Variants in CEP120 observed in about 807,000 individuals in gnomAD.
CEP120 encodes the protein centrosomal protein of 120 kDa.
CEP120 carries 113 observed loss-of-function variants against 126.5 expected under a neutral mutation model. That is an observed-to-expected ratio of 0.89 (90% CI 0.77 to 1.04). The LOEUF (loss-of-function observed/expected upper bound fraction) is 1.04, where lower values mean the gene tolerates loss of function less well. Ranked by LOEUF, CEP120 falls within the 50% of genes least tolerant of loss-of-function variation. CEP120 has a pLI of 0.00. For missense variants in CEP120, 1,230 were observed against 1,155.7 expected (o/e 1.06, Z -0.93); for synonymous variants, 400 against 394.3 (o/e 1.01, Z -0.17).
intron 3 of CEP120, among the ~76,000 whole-genome samples, chr5:123,414,619 G>T (rs1157900970): frequency 6.6e-6 from 1 of 152,032 alleles, no homozygotes; most frequent in Non-Finnish European, 1.5e-5. Context: ...CAGAAAAATT[G>T]CAAGGGAGAT....
intron 7 of CEP120, 51 bp from the exon 8 acceptor site, chr5:123,390,191 A>G: frequency 7.8e-7 from 1 of 1,277,634 alleles, no homozygotes; most frequent in South Asian, 1.3e-5. Context: ...TTTCCTTCAT[A>G]ATTAAGCAAA....
intron 4 of CEP120, 42 bp from the exon 5 acceptor site, chr5:123,399,326 C>A: frequency 6.4e-7 from 1 of 1,573,852 alleles, no homozygotes; most frequent in Non-Finnish European, 8.7e-7. Context: ...TGTAGTTTGT[C>A]ATAAACCATT....
At chr5:123,367,054 T>G (rs191411759) in intron 17 of CEP120, among the ~76,000 whole-genome samples, 56 of 151,974 alleles carry the variant, frequency 3.7e-4, no homozygotes, top group Admixed American at 9.2e-4. Flanking sequence ...GCCAAATGGT[T>G]TCTATCACAT....
At chr5:123,375,185 T>C (rs1445442608) in intron 16 of CEP120, among the ~76,000 whole-genome samples, 1 of 152,114 alleles carries the variant, frequency 6.6e-6, no homozygotes, top group East Asian at 1.9e-4. Context: ...ACCCCCTTTT[T>C]TTCCCCCAGG....
chr5:123,378,007 G>A lies in CEP120; in HGVS notation c.2196+329C>T, dbSNP rs549946558. Among the ~76,000 whole-genome samples the A allele has an allele frequency of 1.1e-4, 16 of 152,158 alleles. No homozygotes were observed. The South Asian group carries it at 2.9e-3, about 28-fold the overall frequency. ...ATAGCAGTTTGAATAGCAGTTTTCTGCATGTCTAAAAGACAATTTTCATGA... is the reference window on the plus strand; with the variant it reads ...ATAGCAGTTTGAATAGCAGTTTTCTACATGTCTAAAAGACAATTTTCATGA... On this transcript the variant is annotated intron_variant, in intron 15 of 19. Coordinates refer to ENST00000306467, the MANE Select transcript of CEP120 (RefSeq NM_001375405.1).
chr5:123,418,708 T>C (rs1774530099), intron 1 of CEP120, among the ~76,000 whole-genome samples, 193 bp from the exon 2 acceptor site: 1 of 151,712 alleles, frequency 6.6e-6, no homozygotes, highest in Non-Finnish European at 1.5e-5. Context: ...GCGATTCTCC[T>C]ACCTGAGCCT....
intron 5 of CEP120, among the ~76,000 whole-genome samples, chr5:123,398,401 C>T (rs1772945306): frequency 6.6e-6 from 1 of 152,148 alleles, no homozygotes; most frequent in African/African-American, 2.4e-5. Context: ...TTTACTCAGC[C>T]CATTTCCCAG....
In CEP120 at chr5:123,423,128, C is replaced by G. The variant is rs1774832390; in HGVS notation, c.-130G>C. On this transcript the variant is annotated 5_prime_UTR_variant, in exon 1 of 20. Transcript: ENST00000306467. ...CGGTCCCTGATGCCCGGACCCCGCT[C>G]CGCAGCCAGGTCCCACCGCCGTCTG... 1 of 746,160 alleles carries G rather than the reference C, an allele frequency of 1.3e-6. No homozygotes were observed. The highest frequency in any genetic ancestry group is 1.5e-5 in the South Asian group (1 of 64,706). 46.2% of individuals were successfully genotyped at this position (746,160 alleles called of 1,614,324 possible). A position where few individuals can be genotyped will look rare whatever the true frequency, so the allele number is the denominator to read the frequency against.
At chr5:123,382,674 G>C (rs772859973) in intron 13 of CEP120, 63 bp downstream of exon 13, 24 of 1,468,754 alleles carry the variant, frequency 1.6e-5, no homozygotes, top group Non-Finnish European at 2.1e-5. Flanking sequence ...ACCTTGCTAC[G>C]GAGAAGGAAA....
chr5:123,369,925 A>C (rs1770729523), intron 17 of CEP120, among the ~76,000 whole-genome samples: 1 of 152,062 alleles, frequency 6.6e-6, no homozygotes, highest in Non-Finnish European at 1.5e-5. Flanking sequence ...GTACTCAATA[A>C]ATAGCTGGTG....
chr5:123,400,790 G>T, intron 4 of CEP120: 1 of 722,622 alleles, frequency 1.4e-6, no homozygotes, highest in Non-Finnish European at 2.5e-6. Context: ...CTCCCCCGCG[G>T]GTGGACTGAG....
intron 18 of CEP120, among the ~76,000 whole-genome samples, chr5:123,351,562 C>A (rs1241116251): frequency 6.6e-6 from 1 of 152,108 alleles, no homozygotes; most frequent in African/African-American, 2.4e-5. Flanking sequence ...AGAATTACAA[C>A]AGCATTAGTA....
intron 1 of CEP120, among the ~76,000 whole-genome samples, chr5:123,420,172 T>C (rs1442651204): frequency 6.6e-6 from 1 of 152,220 alleles, no homozygotes; most frequent in Non-Finnish European, 1.5e-5. Context: ...CCTCATTTTC[T>C]GCTGCTCCAA....
chr5:123,385,816 C>G (rs995473532), intron 10 of CEP120, among the ~76,000 whole-genome samples: 2 of 151,990 alleles, frequency 1.3e-5, no homozygotes, highest in Admixed American at 1.3e-4. Context: ...TTTGCTCAGG[C>G]TAGTCTAAAA....
At chr5:123,346,831 C>CA in intron 19 of CEP120, 78 bp from the exon 20 acceptor site, 1 of 1,040,126 alleles carries the variant, frequency 9.6e-7, no homozygotes. Context: ...CAAAATGATT[C>CA]AATGGTAAGA....
chr5:123,364,009 A>G (rs1213833833), intron 18 of CEP120, among the ~76,000 whole-genome samples: 1 of 151,610 alleles, frequency 6.6e-6, no homozygotes, highest in Non-Finnish European at 1.5e-5. Flanking sequence ...AGAAAAAAAT[A>G]TAATAATTCA....
intron 1 of CEP120, among the ~76,000 whole-genome samples, chr5:123,420,771 T>C (rs375523330): frequency 1.4e-4 from 22 of 152,338 alleles, no homozygotes; most frequent in East Asian, 1.2e-3. Context: ...GAGGGCCCCT[T>C]ACCAAGGCAC....
Position 123,349,924 on chromosome 5 carries a change from A to G in CEP120, c.2726+20T>C, listed in dbSNP as rs372179943. The G allele has an allele frequency of 1.2e-5, 20 of 1,604,544 alleles. No individual in the cohort carries two copies. In the African/African-American group the frequency reaches 2.6e-4, roughly 20 times the overall value. On this transcript the variant is annotated intron_variant, in intron 19 of 19. Transcript: ENST00000306467. Reference sequence around the variant, plus strand: ...GAACCAAACTTTGGCTTTTGAAAGAAACACTTTTAGTTATTATACCTGTTC... The same window carrying G: ...GAACCAAACTTTGGCTTTTGAAAGAGACACTTTTAGTTATTATACCTGTTC...
At chr5:123,387,116 T>C (rs576527318) in intron 9 of CEP120, among the ~76,000 whole-genome samples, 6 of 152,268 alleles carry the variant, frequency 3.9e-5, no homozygotes, top group Admixed American at 3.9e-4. Flanking sequence ...TGTTTCTCCC[T>C]TTCATCACAA....
Sources: gnomAD v4.1 joint callset for allele counts (sites outside exome capture counted in the v4.1 genomes callset) on GRCh38, gnomAD v4.1.1 for gene constraint, MANE v1.5 for transcripts, NCBI Gene and HGNC (gene_info 2026-07-23, HGNC 2026-07-21) for gene names.